The following ADAMTSL3 variants were observed in gnomAD, a reference collection of about 807,000 sequenced individuals.
The protein encoded by ADAMTSL3 is ADAMTS like 3.
In ADAMTSL3, 128 loss-of-function variants were observed where a neutral mutation model predicts 201.7. The observed-to-expected ratio is 0.63, with a 90% CI of 0.55 to 0.73. The LOEUF is 0.73. Ranked by LOEUF, ADAMTSL3 falls within the 30% of genes least tolerant of loss-of-function variation. ADAMTSL3 has a pLI of 0.00. For synonymous variants in ADAMTSL3, 738 were observed against 748.4 expected, an observed-to-expected ratio of 0.99 and a Z score of 0.23; for missense variants, 1,990 against 2,119.6, an observed-to-expected ratio of 0.94 and a Z score of 1.20.
intron 8 of ADAMTSL3, among the ~76,000 whole-genome samples, chr15:83,865,773 T>G (rs1168027204): frequency 6.6e-6 from 1 of 152,062 alleles, no homozygotes; most frequent in Non-Finnish European, 1.5e-5. Context: ...GAGATCTAAT[T>G]AAATTAAAGA....
chr15:83,875,535 A>G (rs1196559733), intron 9 of ADAMTSL3, among the ~76,000 whole-genome samples: 1 of 152,228 alleles, frequency 6.6e-6, no homozygotes, highest in East Asian at 1.9e-4. Flanking sequence ...CTGTAATACC[A>G]GCACTTTGGG....
intron 7 of ADAMTSL3, among the ~76,000 whole-genome samples, chr15:83,844,858 C>T (rs2064461622): frequency 6.6e-6 from 1 of 152,194 alleles, no homozygotes; most frequent in African/African-American, 2.4e-5. Flanking sequence ...ACTGTGAACT[C>T]CCTGGCCTCT....
At chr15:83,804,953 A>G (rs977453627) in intron 5 of ADAMTSL3, among the ~76,000 whole-genome samples, 11 of 152,208 alleles carry the variant, frequency 7.2e-5, no homozygotes, top group African/African-American at 2.2e-4. Context: ...AATATCTGCA[A>G]GCTCCTTCAA....
At chr15:83,796,266 T>G (rs1449491608) in intron 4 of ADAMTSL3, among the ~76,000 whole-genome samples, 2 of 152,150 alleles carry the variant, frequency 1.3e-5, no homozygotes, top group Non-Finnish European at 2.9e-5. Flanking sequence ...TACTAAATTG[T>G]GCAGATAGAA....
intron 4 of ADAMTSL3, among the ~76,000 whole-genome samples, chr15:83,782,828 A>G (rs2063194187): frequency 6.6e-6 from 1 of 151,724 alleles, no homozygotes; most frequent in African/African-American, 2.4e-5. Context: ...CCCATGGGAA[A>G]AGTTTACCTA....
At chr15:83,771,338 T>TAGTA (rs779023091) in intron 3 of ADAMTSL3, among the ~76,000 whole-genome samples, 2 of 152,178 alleles carry the variant, frequency 1.3e-5, no homozygotes, top group Admixed American at 1.3e-4. Flanking sequence ...TAGAAGCGTA[T>TAGTA]AGTACAGTAT....
chr15:83,890,162 C>T lies in ADAMTSL3; in HGVS notation c.1126C>T (p.Pro376Ser), dbSNP rs1364350906. ...GGATATCCGCTTGAAGAGGGTAGTT[C>T]CTGACCATTATTGTCACTACTACCC... ...CVDIRLKRVVPDHYCHYYPEN... is the reference protein window; with the variant it reads ...CVDIRLKRVVSDHYCHYYPEN... The change falls in exon 11 of 30, where the codon CCT becomes TCT. Residue 376 changes from proline to serine, a missense_variant. Transcript: ENST00000286744. 9 of 1,613,776 alleles carry T rather than the reference C, an allele frequency of 5.6e-6. No homozygotes were observed. Among genetic ancestry groups the T allele is most frequent in the Admixed American group, 1.7e-5 (1 of 59,984 alleles).
chr15:83,896,356 A>G (rs2065614352), intron 13 of ADAMTSL3, among the ~76,000 whole-genome samples: 1 of 152,220 alleles, frequency 6.6e-6, no homozygotes, highest in Non-Finnish European at 1.5e-5. Context: ...CTCAAAAACA[A>G]GAATATAAAA....
intron 2 of ADAMTSL3, among the ~76,000 whole-genome samples, chr15:83,685,750 G>A (rs117184972): frequency 0.02 from 3,120 of 152,250 alleles, 45 homozygotes; most frequent in Non-Finnish European, 0.028. Context: ...AAACGGAGAT[G>A]ATACTAACTT....
At chr15:83,761,386 A>G (rs558697636) in intron 3 of ADAMTSL3, among the ~76,000 whole-genome samples, 1 of 152,266 alleles carries the variant, frequency 6.6e-6, no homozygotes, top group Non-Finnish European at 1.5e-5. Flanking sequence ...TACGTTTACC[A>G]TTCTTATTTT....
At chr15:83,799,824 C>A (rs1321072689) in intron 4 of ADAMTSL3, among the ~76,000 whole-genome samples, 1 of 152,190 alleles carries the variant, frequency 6.6e-6, no homozygotes, top group African/African-American at 2.4e-5. Context: ...ATACTAATTA[C>A]ACTGAAATTA....
intron 2 of ADAMTSL3, among the ~76,000 whole-genome samples, chr15:83,685,276 G>A (rs1813510230): frequency 6.6e-6 from 1 of 151,550 alleles, no homozygotes; most frequent in Non-Finnish European, 1.5e-5. Flanking sequence ...TCAGTCTTTG[G>A]CCTGTTTTTT....
chr15:83,746,603 C>A (rs1309325707), intron 3 of ADAMTSL3, among the ~76,000 whole-genome samples: 5 of 152,032 alleles, frequency 3.3e-5, no homozygotes, highest in African/African-American at 7.2e-5. Flanking sequence ...AACTGGGAAC[C>A]TTTTGGGTAA....
At chr15:83,824,086 C>T (rs1376035152) in intron 6 of ADAMTSL3, among the ~76,000 whole-genome samples, 1 of 150,544 alleles carries the variant, frequency 6.6e-6, no homozygotes, top group African/African-American at 2.4e-5. Context: ...ATCTGTCACC[C>T]AGGTTGGAAT....
chr15:83,999,955 G>C (rs2067762071), intron 23 of ADAMTSL3, among the ~76,000 whole-genome samples: 2 of 151,952 alleles, frequency 1.3e-5, no homozygotes, highest in South Asian at 4.2e-4. Context: ...TGGTCTCATT[G>C]CTCTGACAAT....
intron 3 of ADAMTSL3, among the ~76,000 whole-genome samples, chr15:83,765,290 T>C (rs554406908): frequency 9.3e-4 from 142 of 152,348 alleles, no homozygotes; most frequent in South Asian, 2.9e-3. Flanking sequence ...CCTGAAAGAA[T>C]GTATTTACTG....
intron 16 of ADAMTSL3, among the ~76,000 whole-genome samples, chr15:83,920,263 C>T (rs984426797): frequency 6.6e-6 from 1 of 152,156 alleles, no homozygotes; most frequent in African/African-American, 2.4e-5. Context: ...GTTTTGTTTT[C>T]TCCAAATCCC....
chr15:83,999,524 C>T (rs72748652), intron 23 of ADAMTSL3, among the ~76,000 whole-genome samples: 4,130 of 152,234 alleles, frequency 0.027, 82 homozygotes, highest in Non-Finnish European at 0.043. Flanking sequence ...TTAAACCCTA[C>T]CCGCCCCCTG....
chr15:83,689,679 A>G (rs1355686225), intron 2 of ADAMTSL3, among the ~76,000 whole-genome samples: 2 of 152,212 alleles, frequency 1.3e-5, no homozygotes, highest in African/African-American at 4.8e-5. Context: ...TCTTTTATTT[A>G]GAAATCTGCC....
Sources: gnomAD v4.1 joint callset for allele counts (sites outside exome capture counted in the v4.1 genomes callset) on GRCh38, gnomAD v4.1.1 for gene constraint, MANE v1.5 for transcripts, NCBI Gene and HGNC (gene_info 2026-07-23, HGNC 2026-07-21) for gene names.